The following LRP2BP variants were observed in gnomAD, a reference collection of about 807,000 sequenced individuals.
LRP2BP encodes LRP2 binding protein.
A neutral mutation model predicts 45.2 loss-of-function variants in LRP2BP; 38 were observed. That is an observed-to-expected ratio of 0.84 (90% confidence interval 0.65 to 1.10). LRP2BP has a LOEUF of 1.10. LRP2BP is among the 50% of genes least tolerant of loss of function. The pLI, the probability that LRP2BP is intolerant of heterozygous loss-of-function variation, is 0.00. For synonymous variants in LRP2BP, 153 were observed against 153.9 expected, an observed-to-expected ratio of 0.99 and a Z score of 0.04; for missense variants, 385 against 418.9, an observed-to-expected ratio of 0.92 and a Z score of 0.71.
chr4:185,379,247 T>C (rs967194131), intron 1 of LRP2BP, among the ~76,000 whole-genome samples: 2 of 152,216 alleles, frequency 1.3e-5, no homozygotes, highest in African/African-American at 2.4e-5. Flanking sequence ...CTTTAGTGAA[T>C]ATGAAATTTC....
Position 185,367,085 on chromosome 4 carries a change from T to C in LRP2BP, c.*95A>G, listed in dbSNP as rs2095390459. On this transcript the variant is annotated 3_prime_UTR_variant, in exon 9 of 9. Transcript: ENST00000505916. ...CTGTAAAATACCCAGGATAGTGTAA[T>C]TTGTGATGTGCAAAATAACCAAACA... 3 of 1,061,314 alleles carry C rather than the reference T, an allele frequency of 2.8e-6. No individual in the cohort carries two copies. In the East Asian group the frequency reaches 7.3e-5, roughly 26 times the overall value. The allele number at this position is 1,061,314 out of a possible 1,614,324, so 65.7% of individuals were successfully genotyped here. A position where few individuals can be genotyped will look rare whatever the true frequency, so the allele number is the denominator to read the frequency against.
At chr4:185,385,314 C>T (rs761197499) in intron 1 of LRP2BP, among the ~76,000 whole-genome samples, 1 of 152,028 alleles carries the variant, frequency 6.6e-6, no homozygotes, top group Non-Finnish European at 1.5e-5. Context: ...GATGATTTAC[C>T]CCCGGAGGTC....
Position 185,370,849 on chromosome 4 carries a change from A to G in LRP2BP, c.804-35T>C, listed in dbSNP as rs573061591. 12 of 1,609,126 alleles carry G rather than the reference A, an allele frequency of 7.5e-6. No homozygotes were observed. In the South Asian group the frequency reaches 1.2e-4, roughly 16 times the overall value. ...TGTAGAGTTGTGAAATGGAAAAGAC[A>G]TCAGTTATGGTAAGTGTTTGTAAAA... On this transcript the variant is annotated intron_variant, in intron 7 of 8. Coordinates refer to ENST00000505916, the MANE Select transcript of LRP2BP (RefSeq NM_001377440.1).
chr4:185,381,171 A>G (rs2095454989), intron 1 of LRP2BP, among the ~76,000 whole-genome samples: 1 of 152,164 alleles, frequency 6.6e-6, no homozygotes, highest in Admixed American at 6.5e-5. Flanking sequence ...TGTTTTTTAC[A>G]CTATATAAAT....
chr4:185,375,815 G>A, intron 3 of LRP2BP, 89 bp from the exon 4 acceptor site: 2 of 682,882 alleles, frequency 2.9e-6, no homozygotes, highest in Non-Finnish European at 4.8e-6. Flanking sequence ...TTGTGCCCAA[G>A]TTAAACACAC....
At chr4:185,397,118 G>A (rs534544669), upstream of LRP2BP, 24 of 1,611,914 alleles carry the variant, frequency 1.5e-5, 2 homozygotes, top group South Asian at 2.5e-4. Context: ...GACAAAGGTG[G>A]GAAGGGTGCT....
At chr4:185,374,849 T>C (rs1023729808) in intron 4 of LRP2BP, among the ~76,000 whole-genome samples, 2 of 152,162 alleles carry the variant, frequency 1.3e-5, no homozygotes, top group Non-Finnish European at 2.9e-5. Flanking sequence ...AGCTTTCACA[T>C]TTATAATTCT....
upstream of LRP2BP, chr4:185,397,185 C>G: frequency 6.2e-7 from 1 of 1,613,826 alleles, no homozygotes; most frequent in African/African-American, 1.3e-5. Context: ...AGACAGGGGC[C>G]TCGGTCAACG....
Position 185,376,975 on chromosome 4 carries a change from C to T in LRP2BP, c.150G>A (p.Leu50=), listed in dbSNP as rs750835512. ...TGTCTCCTTTCAGTATTCTTTCCTT[C>T]AAGAGCTGCAATGCCTTATCCACCA... The part of the protein sequence containing the change: ...ANLVDKALQL[L]KERILKGDTL... Residue 50 remains leucine, a synonymous_variant, in exon 3 of 9, where the codon TTG becomes TTA. Coordinates refer to ENST00000505916, the MANE Select transcript of LRP2BP (RefSeq NM_001377440.1). 3.7e-6 allele frequency: 6 copies of T among 1,613,916 alleles called. No homozygotes were observed. The highest frequency in any genetic ancestry group is 5.1e-6 in the Non-Finnish European group (6 of 1,179,902).
Position 185,366,020 on chromosome 4 carries a change from T to G in LRP2BP, c.*1160A>C. The G allele has an allele frequency of 6.6e-6, 1 of 152,210 alleles. No homozygotes were observed. The highest frequency in any genetic ancestry group is 1.5e-5 in the Non-Finnish European group (1 of 68,034). The allele number at this position is 152,210 out of a possible 1,614,324, so 9.4% of individuals were successfully genotyped here. On this transcript the variant is annotated 3_prime_UTR_variant, in exon 9 of 9. Transcript: ENST00000505916. ...ATTTTCCCATTACTAAAAAGAAATC[T>G]TGTTTAAATCCACTGTTGGGATGGT... is the stretch of plus-strand genomic sequence containing the variant.
rs761152088 is a variant in LRP2BP, at chr4:185,373,042, T to C, written c.617A>G (p.Asn206Ser). The C allele has an allele frequency of 3.7e-6, 6 of 1,611,752 alleles. No individual in the cohort carries two copies. The highest frequency in any genetic ancestry group is 1.7e-5 in the Admixed American group (1 of 59,962). The part of the protein sequence containing the change: ...YWHSEACGNG[N>S]LESQGALGLM... ...CCCAAGTGCACCCTGGGACTCCAGA[T>C]TCCCATTGCCACATGCTTCGGAATG... The change falls in exon 7 of 9, where the codon AAT (asparagine) becomes AGT (serine). Residue 206 changes from asparagine to serine, a missense_variant. Physicochemically the swap from Asn to Ser is conservative, Grantham distance 46. Coordinates refer to ENST00000505916, the MANE Select transcript of LRP2BP (RefSeq NM_001377440.1).
chr4:185,376,443 CTTTTTTTT>C (rs34024562), intron 3 of LRP2BP, among the ~76,000 whole-genome samples: 194 of 105,802 alleles, frequency 1.8e-3, no homozygotes, highest in African/African-American at 7.4e-3. Flanking sequence ...TGCCCAGCTA[CTTTTTTTT>C]TTTTTTTTTT....
intron 6 of LRP2BP, among the ~76,000 whole-genome samples, chr4:185,373,923 A>C (rs1197955155): frequency 1.3e-5 from 2 of 152,080 alleles, no homozygotes; most frequent in African/African-American, 4.8e-5. Context: ...TATACAAAAT[A>C]CTCTCACATT....
At chr4:185,382,992 T>G (rs2095459869) in intron 1 of LRP2BP, among the ~76,000 whole-genome samples, 1 of 152,236 alleles carries the variant, frequency 6.6e-6, no homozygotes. Flanking sequence ...TCATTCTGTG[T>G]ATGAGGGAAA....
intron 1 of LRP2BP, among the ~76,000 whole-genome samples, chr4:185,388,830 T>C (rs1380590250): frequency 6.6e-6 from 1 of 152,002 alleles, no homozygotes; most frequent in Non-Finnish European, 1.5e-5. Context: ...TCTTTGTTCC[T>C]AAGAGGAGAA....
At chr4:185,385,769 T>C (rs1364049699) in intron 1 of LRP2BP, among the ~76,000 whole-genome samples, 1 of 152,006 alleles carries the variant, frequency 6.6e-6, no homozygotes, top group Admixed American at 6.6e-5. Context: ...GGTGCGGTAG[T>C]AGGCGCCTGT....
At chr4:185,375,858 A>C in intron 3 of LRP2BP, 132 bp from the exon 4 acceptor site, 1 of 493,282 alleles carries the variant, frequency 2.0e-6, no homozygotes, top group Non-Finnish European at 3.7e-6. Context: ...ATCTGAACCC[A>C]TGCCCCACGC....
intron 1 of LRP2BP, among the ~76,000 whole-genome samples, chr4:185,388,899 CAG>C (rs1406088072): frequency 7.2e-5 from 11 of 151,880 alleles, no homozygotes; most frequent in Admixed American, 1.3e-4. Context: ...TTTTTTGAGA[CAG>C]AGTCTTGCTC....
At chr4:185,394,698 C>G in intron 1 of LRP2BP, 81 bp downstream of exon 1, 1 of 925,832 alleles carries the variant, frequency 1.1e-6, no homozygotes, top group African/African-American at 1.8e-5. Context: ...CTTAGAAATA[C>G]TCTTCCCTTC....
Sources: gnomAD v4.1 joint callset for allele counts (sites outside exome capture counted in the v4.1 genomes callset) on GRCh38, gnomAD v4.1.1 for gene constraint, MANE v1.5 for transcripts, NCBI Gene and HGNC (gene_info 2026-07-23, HGNC 2026-07-21) for gene names.